Variants in ANGPTL2 observed in about 807,000 individuals in gnomAD.
ANGPTL2 encodes angiopoietin-related protein 2.
A neutral mutation model predicts 52.8 loss-of-function variants in ANGPTL2; 25 were observed. That is an observed-to-expected ratio of 0.47 (90% CI 0.35 to 0.66). The LOEUF (loss-of-function observed/expected upper bound fraction) is 0.66. Ranked by LOEUF, ANGPTL2 falls within the 30% of genes least tolerant of loss-of-function variation. The probability of loss-of-function intolerance (pLI) is 0.01; values close to 1 mark genes in which losing one functional copy is unlikely to be tolerated. For missense variants in ANGPTL2, 546 were observed against 656.9 expected, an observed-to-expected ratio of 0.83 and a Z score of 1.84; for synonymous variants, 276 against 277.4, an observed-to-expected ratio of 1.00 and a Z score of 0.05.
chr9:127,090,830 A>G (rs1050604730), intron 4 of ANGPTL2, among the ~76,000 whole-genome samples: 8 of 152,238 alleles, frequency 5.3e-5, no homozygotes, highest in African/African-American at 1.9e-4. Context: ...CTTCATCTCA[A>G]GAAACTGGGT....
intron 4 of ANGPTL2, among the ~76,000 whole-genome samples, chr9:127,090,726 G>T (rs2052365655): frequency 6.6e-6 from 1 of 152,204 alleles, no homozygotes. Context: ...GAGGGGACTG[G>T]GTTTGCCCTT....
Position 127,088,937 on chromosome 9 carries a change from G to A in ANGPTL2, c.*2C>T. Reference sequence around the variant, plus strand: ...CACGAGAGGTCAGGAGGGGGAGCTGGCTTAGTGGAAGGTGTTGGGGTTCGG... The same window carrying A: ...CACGAGAGGTCAGGAGGGGGAGCTGACTTAGTGGAAGGTGTTGGGGTTCGG... On this transcript the variant is annotated 3_prime_UTR_variant, in exon 5 of 5. Transcript: ENST00000373425. 3 of 1,614,214 alleles carry A rather than the reference G, an allele frequency of 1.9e-6. No homozygotes were observed. The highest frequency in any genetic ancestry group is 1.1e-5 in the South Asian group (1 of 91,086).
At chr9:127,116,539 G>C (rs1352846809) in intron 1 of ANGPTL2, among the ~76,000 whole-genome samples, 1 of 152,238 alleles carries the variant, frequency 6.6e-6, no homozygotes, top group Non-Finnish European at 1.5e-5. Flanking sequence ...GTTGGCTGCT[G>C]CATTTCCGGC....
Position 127,093,836 on chromosome 9 carries a change from A to G in ANGPTL2, c.908T>C (p.Met303Thr), listed in dbSNP as rs1409839542. The G allele has an allele frequency of 6.2e-7, 1 of 1,614,050 alleles. No individual in the cohort carries two copies. Residue 303 changes from methionine to threonine, a missense_variant, in exon 3 of 5, where the codon ATG becomes ACG. Physicochemically the swap from Met to Thr is moderately conservative, Grantham distance 81. Transcript: ENST00000373425. ...LVKPENTNRL[M>T]QVWCDQRHDP... is the part of the protein sequence containing the mutation. ...GTGTCTCTGGTCGCACCACACCTGC[A>G]TGAGGCGGTTGGTGTTCTCCGGCTT...
At position 127,091,766 on chromosome 9, in the gene ANGPTL2, G is replaced by A. The variant is rs143434673; in HGVS notation, c.1186C>T (p.Arg396Trp). 2.0e-5 allele frequency: 32 copies of A among 1,614,026 alleles called. No individual in the cohort carries two copies. Among genetic ancestry groups the A allele is most frequent in the South Asian group, 5.5e-5 (5 of 91,082 alleles). Residue 396 changes from arginine to tryptophan, a missense_variant, in exon 4 of 5, where the codon CGG becomes TGG. Arg to Trp is a moderately radical substitution (Grantham distance 101). Transcript: ENST00000373425. The surrounding 1 kb of genome is among the most constrained non-coding windows in gnomAD (Gnocchi z 4.3). ...GCATTGCCATGGTAGCGCCCCAGCC[G>A]CAGCTTATAATACTCGCTCTCAGGT... ...LEPESEYYKL[R>W]LGRYHGNAGD...
At chr9:127,110,914 C>G (rs2054743892) in intron 1 of ANGPTL2, among the ~76,000 whole-genome samples, 1 of 152,062 alleles carries the variant, frequency 6.6e-6, no homozygotes, top group Non-Finnish European at 1.5e-5. Flanking sequence ...CCAGCCTTGC[C>G]CATCCTACCT....
intron 1 of ANGPTL2, among the ~76,000 whole-genome samples, chr9:127,121,938 C>G (rs892415040): frequency 6.6e-6 from 1 of 152,224 alleles, no homozygotes; most frequent in Non-Finnish European, 1.5e-5. Flanking sequence ...CTTGGGCCAC[C>G]CCTGCCTTCT....
rs1160703709 is a variant in ANGPTL2 at position 127,091,691 on chromosome 9, T to C, written c.1261A>G (p.Arg421Gly). Residue 421 changes from arginine to glycine, a missense_variant, in exon 4 of 5, where the codon AGA (arginine) becomes GGA (glycine). Transcript: ENST00000373425. This position sits in a 1 kb window ranked among gnomAD's most constrained non-coding sequence, Gnocchi z 4.3. ...CTACCTGTGTAGACATCATGATCTC[T>C]GTCCAGGGTGGTGAACTGCTTGCCG... Reference protein sequence around the residue: ...HNGKQFTTLDRDHDVYTGNCA... With the variant: ...HNGKQFTTLDGDHDVYTGNCA... 1 of 1,613,918 alleles carries C rather than the reference T, an allele frequency of 6.2e-7. No individual in the cohort carries two copies. The highest frequency in any genetic ancestry group is 2.2e-5 in the East Asian group (1 of 44,880).
At chr9:127,120,647 C>T (rs774124457) in intron 1 of ANGPTL2, among the ~76,000 whole-genome samples, 1 of 152,086 alleles carries the variant, frequency 6.6e-6, no homozygotes, top group Non-Finnish European at 1.5e-5. Context: ...CGTGGTGAAA[C>T]CCGTCTCTAC....
At chr9:127,092,998 C>T (rs1012225987) in intron 3 of ANGPTL2, among the ~76,000 whole-genome samples, 2 of 152,128 alleles carry the variant, frequency 1.3e-5, no homozygotes, top group Non-Finnish European at 2.9e-5. Context: ...GCAAATTACT[C>T]CACACTTTCA....
chr9:127,088,211 T>C lies in ANGPTL2; in HGVS notation c.*728A>G, dbSNP rs1277664924. On this transcript the variant is annotated 3_prime_UTR_variant, in exon 5 of 5. Coordinates refer to ENST00000373425, the MANE Select transcript of ANGPTL2 (RefSeq NM_012098.3). ...AATGAAGGGATAAGTGGGTGATGGA[T>C]GGTGAAAAGTCCTGAGAATGGGGAA... The C allele has an allele frequency of 6.6e-6, 1 of 152,112 alleles. No individual in the cohort carries two copies. Among genetic ancestry groups the C allele is most frequent in the African/African-American group, 2.4e-5 (1 of 41,386 alleles). The allele number at this position is 152,112 out of a possible 1,614,324, so 9.4% of individuals were successfully genotyped here. A position where few individuals can be genotyped will look rare whatever the true frequency, so the allele number is the denominator to read the frequency against.
At chr9:127,118,118 G>A (rs888206905) in intron 1 of ANGPTL2, among the ~76,000 whole-genome samples, 3 of 152,110 alleles carry the variant, frequency 2.0e-5, no homozygotes, top group South Asian at 2.1e-4. Flanking sequence ...GCAGTGGCGC[G>A]ATCTCAGCTC....
chr9:127,110,315 C>T (rs925419605), intron 1 of ANGPTL2, among the ~76,000 whole-genome samples: 1 of 152,158 alleles, frequency 6.6e-6, no homozygotes, highest in Non-Finnish European at 1.5e-5. Flanking sequence ...CAGTTGGGCT[C>T]CCTTCTTGAC....
intron 1 of ANGPTL2, among the ~76,000 whole-genome samples, chr9:127,113,072 T>C (rs1194691489): frequency 6.6e-6 from 1 of 152,158 alleles, no homozygotes; most frequent in South Asian, 2.1e-4. Context: ...GGGCCTAGGC[T>C]TAGTGGGGGT....
At chr9:127,116,246 C>G (rs1316708643) in intron 1 of ANGPTL2, among the ~76,000 whole-genome samples, 1 of 151,962 alleles carries the variant, frequency 6.6e-6, no homozygotes, top group Non-Finnish European at 1.5e-5. Context: ...GTGCTCCTGC[C>G]ATTGGTGAAT....
chr9:127,101,475 C>T (rs555373721), intron 2 of ANGPTL2, among the ~76,000 whole-genome samples: 41 of 152,314 alleles, frequency 2.7e-4, no homozygotes, highest in African/African-American at 8.7e-4. Context: ...TCCCTCCATC[C>T]TTCAATCCTC....
At chr9:127,109,061 C>T (rs1009636176) in intron 1 of ANGPTL2, among the ~76,000 whole-genome samples, 4 of 152,132 alleles carry the variant, frequency 2.6e-5, no homozygotes, top group East Asian at 1.9e-4. Context: ...CTCCAATGCC[C>T]GCAGCCCCCT....
At position 127,115,000 on chromosome 9, in the gene ANGPTL2, G is replaced by A. The variant is rs543453747; in HGVS notation, c.-49-6220C>T. 2.0e-5 allele frequency among the ~76,000 whole-genome samples: 3 copies of A among 152,324 alleles called. No individual in the cohort carries two copies. In the South Asian group the frequency reaches 6.2e-4, roughly 32 times the overall value. The stretch of plus-strand genomic sequence containing the variant: ...CCAGTTGGTAATCCAAGATGTGGGA[G>A]GGATCCAGATGAAGGAAAAGGCCCA... On this transcript the variant is annotated intron_variant, in intron 1 of 4. Transcript: ENST00000373425.
At chr9:127,120,678 A>T (rs2055963439) in intron 1 of ANGPTL2, among the ~76,000 whole-genome samples, 1 of 152,030 alleles carries the variant, frequency 6.6e-6, no homozygotes, top group Non-Finnish European at 1.5e-5. Context: ...CACACACAAA[A>T]TTAGCTGGGC....
Sources: gnomAD v4.1 joint callset for allele counts (sites outside exome capture counted in the v4.1 genomes callset) on GRCh38, gnomAD v4.1.1 for gene constraint, Gnocchi (gnomAD v3.1) non-coding constraint, MANE v1.5 for transcripts, NCBI Gene and HGNC (gene_info 2026-07-23, HGNC 2026-07-21) for gene names.